PBX1: variants seen among roughly 807,000 people sequenced by gnomAD.
The protein encoded by PBX1 is pre-B-cell leukemia transcription factor 1.
PBX1 carries 6 observed loss-of-function variants against 53.4 expected under a neutral mutation model. That is an observed-to-expected ratio of 0.11 (90% CI 0.06 to 0.22). The LOEUF (loss-of-function observed/expected upper bound fraction) is 0.22. Among genes scored for constraint, PBX1 ranks in the 10% least tolerant of loss-of-function variants. PBX1 has a pLI of 1.00. For missense variants in PBX1, 251 were observed against 551.4 expected (o/e 0.46, Z 5.46); for synonymous variants, 204 against 212.3 (o/e 0.96, Z 0.34).
chr1:164,610,594 G>C (rs1656853081), intron 2 of PBX1, among the ~76,000 whole-genome samples: 1 of 152,076 alleles, frequency 6.6e-6, no homozygotes, highest in Non-Finnish European at 1.5e-5. Context: ...TAATTTGGTG[G>C]AAACAAACAA....
intron 2 of PBX1, among the ~76,000 whole-genome samples, chr1:164,672,648 A>G (rs1311760767): frequency 1.3e-5 from 2 of 152,218 alleles, no homozygotes; most frequent in African/African-American, 2.4e-5. Context: ...TTGTATTTAT[A>G]AAAAGATATT....
chr1:164,886,047 A>AT (rs1332023844), intron 2 of PBX1, among the ~76,000 whole-genome samples: 2 of 151,392 alleles, frequency 1.3e-5, no homozygotes, highest in African/African-American at 2.5e-5. Context: ...GCATAAATGA[A>AT]TTTTTTGTGA....
At position 164,847,226 on chromosome 1, in the gene PBX1, C is replaced by T. The variant is rs1671620132; in HGVS notation, c.*550C>T. 9.3e-7 allele frequency: 1 copy of T among 1,073,898 alleles called. No homozygotes were observed. The highest frequency in any genetic ancestry group is 1.6e-5 in the African/African-American group (1 of 61,234). The allele number at this position is 1,073,898 out of a possible 1,614,324, so 66.5% of individuals were successfully genotyped here. ...TTCATTCCAGGCCTCCCTGCTTCCT[C>T]TTGCTCTTCCTCCCTGGGGACAGTA... On this transcript the variant is annotated 3_prime_UTR_variant, in exon 9 of 9. Coordinates refer to ENST00000420696, the MANE Select transcript of PBX1 (RefSeq NM_002585.4).
chr1:164,879,615 C>T (rs376793066), intron 2 of PBX1, among the ~76,000 whole-genome samples: 42 of 152,280 alleles, frequency 2.8e-4, no homozygotes, highest in African/African-American at 9.9e-4. Context: ...CACAGCTCAA[C>T]TCATGCACTG....
chr1:164,778,934 T>A (rs1003558759), intron 2 of PBX1, among the ~76,000 whole-genome samples: 1 of 152,140 alleles, frequency 6.6e-6, no homozygotes. Context: ...GAACTAAGTA[T>A]GTGCCCTTGG....
At position 164,673,200 on chromosome 1, in the gene PBX1, T is replaced by C. The variant is rs1571194613; in HGVS notation, c.265+109889T>C. Among the ~76,000 whole-genome samples, 14 of 152,262 alleles carry C rather than the reference T, an allele frequency of 9.2e-5. 2 individuals are homozygous for C. Among genetic ancestry groups the C allele is most frequent in the Admixed American group, 9.1e-4 (14 of 15,302 alleles). On this transcript the variant is annotated intron_variant, in intron 2 of 8. Coordinates refer to ENST00000420696, the MANE Select transcript of PBX1 (RefSeq NM_002585.4). The stretch of plus-strand genomic sequence containing the variant: ...TGATCATAGTATATGATATGTTTTA[T>C]ATTAAGGTTGAAAAAAAACCCCAGC...
chr1:164,634,661 A>G (rs1240665247), intron 2 of PBX1, among the ~76,000 whole-genome samples: 1 of 152,178 alleles, frequency 6.6e-6, no homozygotes, highest in Non-Finnish European at 1.5e-5. Flanking sequence ...CCCCATTAAT[A>G]CACCAACACC....
At chr1:164,747,285 A>C (rs1665940568) in intron 2 of PBX1, among the ~76,000 whole-genome samples, 3 of 152,062 alleles carry the variant, frequency 2.0e-5, no homozygotes, top group Non-Finnish European at 4.4e-5. Flanking sequence ...TCTCCTACTT[A>C]TGTAAATTTA....
chr1:164,713,429 T>G (rs1220402804), intron 2 of PBX1, among the ~76,000 whole-genome samples: 1 of 152,190 alleles, frequency 6.6e-6, no homozygotes, highest in Non-Finnish European at 1.5e-5. Context: ...AGGGGAAGAT[T>G]GAAGATATTG....
chr1:164,799,980 T>C, intron 4 of PBX1, 91 bp downstream of exon 4: 2 of 1,230,284 alleles, frequency 1.6e-6, no homozygotes, highest in Non-Finnish European at 1.1e-6. Context: ...GGCTCTAGTT[T>C]CACCCCATCA....
chr1:164,870,343 T>C (rs913555057), intron 2 of PBX1, among the ~76,000 whole-genome samples: 17 of 119,376 alleles, frequency 1.4e-4, no homozygotes, highest in African/African-American at 5.1e-4. Flanking sequence ...CTTTCTTTCT[T>C]TCTTTCTTTC....
chr1:164,867,132 A>G (rs1432793870), intron 2 of PBX1, among the ~76,000 whole-genome samples: 3 of 152,200 alleles, frequency 2.0e-5, no homozygotes, highest in East Asian at 1.9e-4. Flanking sequence ...TAGGTTTTAC[A>G]TCTTCGATCT....
chr1:164,743,655 A>T (rs949421929), intron 2 of PBX1, among the ~76,000 whole-genome samples: 10 of 152,206 alleles, frequency 6.6e-5, no homozygotes, highest in African/African-American at 1.4e-4. Flanking sequence ...AAATAAAATT[A>T]AAAAATGGTG....
At chr1:164,799,664 C>A in intron 3 of PBX1, 35 bp from the exon 4 acceptor site, 6 of 1,586,622 alleles carry the variant, frequency 3.8e-6, no homozygotes, top group Non-Finnish European at 5.2e-6. Flanking sequence ...AGGCTTGGAC[C>A]CTCAATGACG....
chr1:164,736,415 G>A (rs1665274743), intron 2 of PBX1, among the ~76,000 whole-genome samples: 1 of 152,126 alleles, frequency 6.6e-6, no homozygotes, highest in Non-Finnish European at 1.5e-5. Flanking sequence ...CCTGTCAAGA[G>A]GGGGATGCAG....
At chr1:164,582,854 T>A (rs1654712178) in intron 2 of PBX1, among the ~76,000 whole-genome samples, 1 of 152,226 alleles carries the variant, frequency 6.6e-6, no homozygotes, top group African/African-American at 2.4e-5. Context: ...TCAGATGTTA[T>A]CATAATTATT....
chr1:164,578,038 A>G (rs1654377286), intron 2 of PBX1, among the ~76,000 whole-genome samples: 1 of 152,156 alleles, frequency 6.6e-6, no homozygotes, highest in Admixed American at 6.5e-5. Flanking sequence ...GGACACCCCC[A>G]TCCTCCTACT....
At chr1:164,635,225 ATCCAAGAGAGGAGC>A (rs1369884079) in intron 2 of PBX1, among the ~76,000 whole-genome samples, 1 of 152,040 alleles carries the variant, frequency 6.6e-6, no homozygotes, top group African/African-American at 2.4e-5. Flanking sequence ...TATTTTCTTA[ATCCAAGAGAGGAGC>A]TCTCAGTCCC....
chr1:164,742,871 C>T lies in PBX1; in HGVS notation c.266-49623C>T, dbSNP rs1466627601. Among the ~76,000 whole-genome samples the T allele has an allele frequency of 2.0e-5, 3 of 152,274 alleles. No homozygotes were observed. In the East Asian group the frequency reaches 5.8e-4, roughly 29 times the overall value. On this transcript the variant is annotated intron_variant, in intron 2 of 8. Transcript: ENST00000420696. Reference sequence around the variant, plus strand: ...GCTTGCTGCTTGAAAATGCTAGAGGCATGGCTTCTGAAAGTGACTGTAGAG... The same window carrying T: ...GCTTGCTGCTTGAAAATGCTAGAGGTATGGCTTCTGAAAGTGACTGTAGAG...
Sources: allele counts gnomAD v4.1 joint callset (sites outside exome capture counted in the v4.1 genomes callset), GRCh38; gene constraint gnomAD v4.1.1; transcripts MANE v1.5; gene names NCBI Gene and HGNC (gene_info 2026-07-23, HGNC 2026-07-21).